Variants in LOC128125817 observed in about 807,000 individuals in gnomAD.
chr1:41,619,405 A>G, the LOC128125817 span, among the ~76,000 whole-genome samples: 1,685 of 152,290 alleles, frequency 0.011, 43 homozygotes, highest in African/African-American at 0.039. Context: ...TTTTACATAC[A>G]CTTATGTTTT....
At chr1:41,588,379 G>C in the LOC128125817 span, among the ~76,000 whole-genome samples, 1 of 152,206 alleles carries the variant, frequency 6.6e-6, no homozygotes, top group East Asian at 1.9e-4. Flanking sequence ...GTGGTGAAAT[G>C]ATCAATCTGA....
chr1:41,585,480 G>A, the LOC128125817 span, among the ~76,000 whole-genome samples: 2 of 152,166 alleles, frequency 1.3e-5, no homozygotes, highest in Admixed American at 1.3e-4. Flanking sequence ...CACAGGCTCC[G>A]GCTCCACATG....
At chr1:41,619,503 C>T in the LOC128125817 span, among the ~76,000 whole-genome samples, 2 of 152,188 alleles carry the variant, frequency 1.3e-5, no homozygotes, top group African/African-American at 2.4e-5. Context: ...CAGAATGTAA[C>T]TCCAAGAGGC....
the LOC128125817 span, among the ~76,000 whole-genome samples, chr1:41,610,196 T>C: frequency 6.6e-6 from 1 of 152,172 alleles, no homozygotes; most frequent in African/African-American, 2.4e-5. Context: ...ACATACACAA[T>C]TGGTTCTGTT....
At chr1:41,601,218 T>A in the LOC128125817 span, among the ~76,000 whole-genome samples, 1 of 152,178 alleles carries the variant, frequency 6.6e-6, no homozygotes, top group Middle Eastern at 3.2e-3. Flanking sequence ...GTCAGAGGAT[T>A]GATTTGGCTA....
chr1:41,607,848 T>G, the LOC128125817 span, among the ~76,000 whole-genome samples: 1 of 152,254 alleles, frequency 6.6e-6, no homozygotes, highest in Non-Finnish European at 1.5e-5. Flanking sequence ...GGCTTCACCG[T>G]GTGGACATCT....
At chr1:41,588,469 G>A in the LOC128125817 span, among the ~76,000 whole-genome samples, 2 of 152,128 alleles carry the variant, frequency 1.3e-5, no homozygotes, top group Non-Finnish European at 2.9e-5. Context: ...GGCTCTCCTT[G>A]GCAGGTGGTG....
At chr1:41,607,950 G>T in the LOC128125817 span, among the ~76,000 whole-genome samples, 1 of 152,200 alleles carries the variant, frequency 6.6e-6, no homozygotes, top group Non-Finnish European at 1.5e-5. Flanking sequence ...AAAGGGGAGG[G>T]CAGAGCTGGG....
the LOC128125817 span, among the ~76,000 whole-genome samples, chr1:41,615,298 T>C: frequency 3.9e-5 from 6 of 152,252 alleles, no homozygotes; most frequent in African/African-American, 1.4e-4. Context: ...GCTCATCTTC[T>C]ACTCATGGTT....
the LOC128125817 span, among the ~76,000 whole-genome samples, chr1:41,617,699 T>C: frequency 1.3e-3 from 201 of 152,338 alleles, no homozygotes; most frequent in African/African-American, 4.2e-3. Flanking sequence ...ACCAAGTAGG[T>C]AGGATTCAGA....
the LOC128125817 span, among the ~76,000 whole-genome samples, chr1:41,613,167 G>C: frequency 9.2e-5 from 14 of 152,220 alleles, no homozygotes; most frequent in African/African-American, 3.4e-4. Flanking sequence ...AAACCCTTCT[G>C]ACAAGCTGCG....
chr1:41,623,768 T>C, the LOC128125817 span, among the ~76,000 whole-genome samples: 2 of 152,116 alleles, frequency 1.3e-5, no homozygotes, highest in East Asian at 3.9e-4. Flanking sequence ...CGGCCCATGC[T>C]CCAGGCCCTC....
At chr1:41,602,223 G>A in the LOC128125817 span, among the ~76,000 whole-genome samples, 2 of 152,076 alleles carry the variant, frequency 1.3e-5, no homozygotes, top group Admixed American at 6.6e-5. Flanking sequence ...TGGTGTCTTT[G>A]TTTAGCTTTT....
At chr1:41,611,612 G>A in the LOC128125817 span, among the ~76,000 whole-genome samples, 1 of 152,222 alleles carries the variant, frequency 6.6e-6, no homozygotes, top group African/African-American at 2.4e-5. Flanking sequence ...TGCAGTGTGT[G>A]TCTCAACCAC....
the LOC128125817 span, among the ~76,000 whole-genome samples, chr1:41,610,760 C>T: frequency 6.6e-6 from 1 of 152,170 alleles, no homozygotes; most frequent in South Asian, 2.1e-4. Context: ...GTGAGGCATT[C>T]GCACTCTAGG....
chr1:41,621,134 G>A, the LOC128125817 span, among the ~76,000 whole-genome samples: 2 of 152,192 alleles, frequency 1.3e-5, no homozygotes, highest in African/African-American at 2.4e-5. Flanking sequence ...GCATCACCCG[G>A]CTTCCTACAG....
the LOC128125817 span, among the ~76,000 whole-genome samples, chr1:41,622,542 C>A: frequency 1.3e-5 from 2 of 152,200 alleles, no homozygotes; most frequent in Non-Finnish European, 2.9e-5. Flanking sequence ...CAACCACGCC[C>A]ATTTTTTACA....
chr1:41,628,155 C>G, the LOC128125817 span, among the ~76,000 whole-genome samples: 1 of 152,224 alleles, frequency 6.6e-6, no homozygotes, highest in Non-Finnish European at 1.5e-5. Context: ...ATTTCGGGAG[C>G]TGGGGCCCTG....
At chr1:41,612,199 C>G in the LOC128125817 span, among the ~76,000 whole-genome samples, 1 of 152,192 alleles carries the variant, frequency 6.6e-6, no homozygotes, top group Admixed American at 6.5e-5. Context: ...CTTTGTTCAG[C>G]CAAATCCTTC....
Sources: gnomAD v4.1 joint callset for allele counts (sites outside exome capture counted in the v4.1 genomes callset) on GRCh38, gnomAD v4.1.1 for gene constraint, MANE v1.5 for transcripts.